IFFO1: variants seen among roughly 807,000 people sequenced by gnomAD.
IFFO1 encodes the protein non-homologous end joining factor IFFO1.
IFFO1 carries 42 observed loss-of-function variants against 59.6 expected under a neutral mutation model. The observed-to-expected ratio is 0.70, with a 90% CI of 0.55 to 0.91. The LOEUF (loss-of-function observed/expected upper bound fraction) is 0.91, where lower values mean the gene tolerates loss of function less well. IFFO1 is among the 40% of genes least tolerant of loss of function. IFFO1 has a pLI of 0.00. For missense variants in IFFO1, 711 were observed against 793.2 expected (o/e 0.90, Z 1.24); for synonymous variants, 336 against 342.8 (o/e 0.98, Z 0.22).
At chr12:6,544,789 C>A (rs1486300681) in intron 8 of IFFO1, 2 of 152,220 alleles carry the variant, frequency 1.3e-5, no homozygotes, top group Non-Finnish European at 2.9e-5. Context: ...ATCCAGGAAA[C>A]CTCATCTACC....
Position 6,555,588 on chromosome 12 carries a change from C to A in IFFO1, c.442G>T (p.Val148Phe), listed in dbSNP as rs1040042981. The change falls in exon 1 of 10, where the codon GTC becomes TTC. Residue 148 changes from valine (V) to phenylalanine (F), a missense_variant. Physicochemically the swap from Val to Phe is conservative, Grantham distance 50 (BLOSUM62 -1). Around this residue, in one of 3 missense-constraint regions of IFFO1, gnomAD observed 579 missense variants for 650.3 expected, o/e 0.89. Coordinates refer to ENST00000619571, the MANE Select transcript of IFFO1 (RefSeq NM_001193457.2). The surrounding 1 kb of genome is among the most constrained non-coding windows in gnomAD (Gnocchi z 8.6). Reference sequence around the variant, plus strand: ...AGCACGCGCGCCGAAGGGCTGCAGACAGCGGCCGGCCGGGCGCCCAGCTGC... The same window carrying A: ...AGCACGCGCGCCGAAGGGCTGCAGAAAGCGGCCGGCCGGGCGCCCAGCTGC... Reference protein sequence around the residue: ...GLQLGARPAAVCSPSARVLGS... With the variant: ...GLQLGARPAAFCSPSARVLGS... 1.4e-6 allele frequency: 2 copies of A among 1,412,558 alleles called. No homozygotes were observed. The highest frequency in any genetic ancestry group is 1.8e-6 in the Non-Finnish European group (2 of 1,089,004). The allele number at this position is 1,412,558 out of a possible 1,614,324, so 87.5% of individuals were successfully genotyped here.
In IFFO1 at chr12:6,549,930, G is replaced by A. The variant is rs1196782046; in HGVS notation, c.931-34C>T. ...GGAGCCCAGGGAACAGTGAGGAGGC[G>A]CCCAGTTCTCCAGACAAGGACGAAT... On this transcript the variant is annotated intron_variant, in intron 3 of 9. Transcript: ENST00000619571. The surrounding 1 kb of genome is among the most constrained non-coding windows in gnomAD (Gnocchi z 5.0). 1.1e-5 allele frequency: 17 copies of A among 1,598,680 alleles called. No individual in the cohort carries two copies. Among genetic ancestry groups the A allele is most frequent in the Admixed American group, 8.5e-5 (5 of 58,852 alleles).
At chr12:6,551,966 A>C (rs2136138983) in intron 1 of IFFO1, 1 of 171,448 alleles carries the variant, frequency 5.8e-6, no homozygotes, top group Middle Eastern at 2.8e-3. Flanking sequence ...CGTGCTGCTT[A>C]GGACCCGCCC....
intron 1 of IFFO1, chr12:6,551,615 G>A: frequency 1.8e-6 from 1 of 547,418 alleles, no homozygotes; most frequent in South Asian, 1.5e-5. Context: ...CTCTAAGGGA[G>A]TCACAGAGAG....
At position 6,540,580 on chromosome 12, in the gene IFFO1, G is replaced by C. The variant is rs754958087; in HGVS notation, c.1619C>G (p.Pro540Arg). 1.1e-5 allele frequency: 17 copies of C among 1,613,454 alleles called. No individual in the cohort carries two copies. The South Asian group carries it at 1.5e-4, about 15-fold the overall frequency. Residue 540 changes from proline (P) to arginine (R), a missense_variant, in exon 10 of 10, where the codon CCT (proline) becomes CGT (arginine). Physicochemically the swap from Pro to Arg is moderately radical, Grantham distance 103 (BLOSUM62 -2). This residue lies in a region of IFFO1 where 579 missense variants were observed against 650.3 expected (regional missense o/e 0.89). Transcript: ENST00000619571. ...LITQSGDRKS[P>R]AFTAVPLSDP... ...GCTAAGCGGGACCGCAGTGAAAGCA[G>C]GAGACTTTCTAGAAAAAAACACCAG... is the stretch of plus-strand genomic sequence containing the variant.
Position 6,548,988 on chromosome 12 carries a change from A to G in IFFO1, c.1081-139T>C. 1.4e-6 allele frequency: 1 copy of G among 725,768 alleles called. No homozygotes were observed. 45.0% of individuals were successfully genotyped at this position (725,768 alleles called of 1,614,324 possible). A position where few individuals can be genotyped will look rare whatever the true frequency, so the allele number is the denominator to read the frequency against. ...GAAAAGTCACAGTTACAATGACAGG[A>G]ACAGAAACACGGACAGTCACCAAGG... On this transcript the variant is annotated intron_variant, in intron 5 of 9. Transcript: ENST00000619571. This position sits in a 1 kb window ranked among gnomAD's most constrained non-coding sequence, Gnocchi z 6.1.
At chr12:6,546,500 T>C (rs935951988) in intron 8 of IFFO1, among the ~76,000 whole-genome samples, 1 of 152,198 alleles carries the variant, frequency 6.6e-6, no homozygotes, top group African/African-American at 2.4e-5. Context: ...GTTTGTATTT[T>C]TGAGACGGAG....
intron 3 of IFFO1, 199 bp from the exon 4 acceptor site, chr12:6,550,095 C>T (rs553369039): frequency 4.8e-4 from 261 of 547,770 alleles, no homozygotes; most frequent in Non-Finnish European, 6.9e-4. Flanking sequence ...GGGCATGGGG[C>T]GGCTCGGGCC....
rs528711598 is a variant in IFFO1 at position 6,543,101 on chromosome 12, A to C, written c.1480-1459T>G. 7.9e-4 allele frequency among the ~76,000 whole-genome samples: 120 copies of C among 152,280 alleles called. No homozygotes were observed. In the Middle Eastern group the frequency reaches 0.014, roughly 17 times the overall value. On this transcript the variant is annotated intron_variant, in intron 8 of 9. Transcript: ENST00000619571. ...TTGGGGGTGGGACGGGAGGAGACAG[A>C]GAGAGGTGAGGAGCGGTGGGGAAGA...
Position 6,555,500 on chromosome 12 carries a change from G to A in IFFO1, c.530C>T (p.Ser177Phe). The A allele has an allele frequency of 1.2e-6, 2 of 1,600,908 alleles. No individual in the cohort carries two copies. The highest frequency in any genetic ancestry group is 1.1e-5 in the South Asian group (1 of 89,702). Residue 177 changes from serine (S) to phenylalanine (F), a missense_variant, in exon 1 of 10, where the codon TCC becomes TTC. Physicochemically the swap from Ser to Phe is radical, Grantham distance 155. Around this residue, in one of 3 missense-constraint regions of IFFO1, gnomAD observed 579 missense variants for 650.3 expected, o/e 0.89. Coordinates refer to ENST00000619571, the MANE Select transcript of IFFO1 (RefSeq NM_001193457.2). This position sits in a 1 kb window ranked among gnomAD's most constrained non-coding sequence, Gnocchi z 8.6. ...ATAGGTGGTGGAGGTGGAGGTGGAG[G>A]ACGACGAGAGGCTGGCCGCGGAGGG... ...LAPSAASLSS[S>F]STSTSTTYSS...
intron 1 of IFFO1, chr12:6,551,625 G>A: frequency 2.0e-6 from 1 of 506,992 alleles, no homozygotes; most frequent in Admixed American, 2.4e-5. Flanking sequence ...GTCACAGAGA[G>A]GTGACCAGAC....
Position 6,541,559 on chromosome 12 carries a change from G to T in IFFO1, c.1563C>A (p.Asp521Glu), listed in dbSNP as rs756122164. The change falls in exon 9 of 10, where the codon GAC becomes GAA. Residue 521 changes from aspartate to glutamate, a missense_variant. By Grantham distance (45) the Asp-to-Glu change is conservative (BLOSUM62 2). Coordinates refer to ENST00000619571, the MANE Select transcript of IFFO1 (RefSeq NM_001193457.2). The surrounding 1 kb of genome is among the most constrained non-coding windows in gnomAD (Gnocchi z 4.8). ...MEMCSMKRGL[D>E]VQMETCRRLI... ...GCCGGCGGCAGGTCTCCATCTGCAC[G>T]TCCAGGCCGCGCTTCATGCTGCACA... 6.2e-7 allele frequency: 1 copy of T among 1,614,150 alleles called. No homozygotes were observed. Among genetic ancestry groups the T allele is most frequent in the Non-Finnish European group, 8.5e-7 (1 of 1,180,028 alleles).
chr12:6,551,424 G>T, intron 1 of IFFO1: 1 of 1,298,962 alleles, frequency 7.7e-7, no homozygotes, highest in Non-Finnish European at 1.0e-6. Flanking sequence ...CCGGGCTCCC[G>T]CCTCCTGCCC....
chr12:6,540,302 G>A lies in IFFO1; in HGVS notation c.*181C>T. 2 of 611,802 alleles carry A rather than the reference G, an allele frequency of 3.3e-6. No homozygotes were observed. The highest frequency in any genetic ancestry group is 5.8e-6 in the Non-Finnish European group (2 of 343,692). The allele number at this position is 611,802 out of a possible 1,614,324, so 37.9% of individuals were successfully genotyped here. On this transcript the variant is annotated 3_prime_UTR_variant, in exon 10 of 10. Coordinates refer to ENST00000619571, the MANE Select transcript of IFFO1 (RefSeq NM_001193457.2). ...AATGGTAGGGCCAAGCCTAGCTCCA[G>A]ACACCCCAGAGCCCTGGAGAAGCCA...
Position 6,540,119 on chromosome 12 carries a change from G to A in IFFO1, c.*364C>T, listed in dbSNP as rs1005019173. On this transcript the variant is annotated 3_prime_UTR_variant, in exon 10 of 10. Transcript: ENST00000619571. The stretch of plus-strand genomic sequence containing the variant: ...GTGTGGAAGACAGTGAGCTGGCTCC[G>A]GACAACAGGGATGGAGGAAAGGTCC... The A allele has an allele frequency of 2.3e-5, 8 of 340,586 alleles. No homozygotes were observed. The highest frequency in any genetic ancestry group is 1.7e-5 in the Non-Finnish European group (3 of 180,592). The allele number at this position is 340,586 out of a possible 1,614,324, so 21.1% of individuals were successfully genotyped here. A position where few individuals can be genotyped will look rare whatever the true frequency, so the allele number is the denominator to read the frequency against.
chr12:6,551,584 A>C, intron 1 of IFFO1: 1 of 786,996 alleles, frequency 1.3e-6, no homozygotes, highest in Non-Finnish European at 1.9e-6. Context: ...CTAGCTCCAG[A>C]AACTACCCAC....
intron 1 of IFFO1, chr12:6,551,485 T>C (rs1049559958): frequency 3.9e-6 from 5 of 1,291,180 alleles, no homozygotes; most frequent in Non-Finnish European, 5.1e-6. Context: ...TGTGGTATCA[T>C]TTAACCCTGT....
intron 8 of IFFO1, among the ~76,000 whole-genome samples, chr12:6,545,715 C>T (rs567430502): frequency 3.0e-4 from 39 of 129,424 alleles, no homozygotes; most frequent in African/African-American, 1.1e-3. Flanking sequence ...AAAAAAAAAA[C>T]CTCACTCTAT....
Position 6,550,995 on chromosome 12 carries a change from T to C in IFFO1, c.780A>G (p.Glu260=), listed in dbSNP as rs1203313155. The C allele has an allele frequency of 6.2e-7, 1 of 1,614,024 alleles. No individual in the cohort carries two copies. The highest frequency in any genetic ancestry group is 8.5e-7 in the Non-Finnish European group (1 of 1,180,002). The change falls in exon 2 of 10, where the codon GAA becomes GAG. Residue 260 remains glutamate (E), a synonymous_variant. Transcript: ENST00000619571. ...RERDEYKRRW[E]EEYTVRIQLQ... is the part of the protein sequence containing the mutation. ...GCTGGATCCGCACCGTGTACTCCTCTTCCCACCTGACAGACATGGGAAGGG... is the reference window on the plus strand; with the variant it reads ...GCTGGATCCGCACCGTGTACTCCTCCTCCCACCTGACAGACATGGGAAGGG...
Sources: allele counts gnomAD v4.1 joint callset (sites outside exome capture counted in the v4.1 genomes callset), GRCh38; gene constraint gnomAD v4.1.1; regional missense constraint gnomAD v4.1.1; non-coding constraint Gnocchi (gnomAD v3.1); transcripts MANE v1.5; gene names NCBI Gene and HGNC (gene_info 2026-07-23, HGNC 2026-07-21).